Variants in NSMCE2 observed in about 807,000 individuals in gnomAD.
NSMCE2 encodes the protein E3 SUMO-protein ligase NSE2.
NSMCE2 carries 24 observed loss-of-function variants against 23.8 expected under a neutral mutation model. That is an observed-to-expected ratio of 1.01 (90% CI 0.73 to 1.42). The LOEUF is 1.42. Ranked by LOEUF, NSMCE2 falls within the 40% of genes most tolerant of loss-of-function variation. NSMCE2 has a pLI of 0.00. For missense variants in NSMCE2, 284 were observed against 296.5 expected (o/e 0.96, Z 0.31); for synonymous variants, 92 against 94.1 (o/e 0.98, Z 0.13).
chr8:125,140,764 GT>G (rs1472254418), intron 3 of NSMCE2, among the ~76,000 whole-genome samples: 1 of 152,148 alleles, frequency 6.6e-6, no homozygotes, highest in Non-Finnish European at 1.5e-5. Context: ...AGCCTCTTGG[GT>G]TTCCAAGTCA....
chr8:125,298,687 G>GTTTTTTGTTTT (rs1828425895), intron 5 of NSMCE2, among the ~76,000 whole-genome samples: 1 of 85,954 alleles, frequency 1.2e-5, no homozygotes, highest in African/African-American at 5.2e-5. Flanking sequence ...TCATCTGTGG[G>GTTTTTTGTTTT]TTTTTTTTTG....
intron 5 of NSMCE2, among the ~76,000 whole-genome samples, chr8:125,223,961 C>G (rs1445374758): frequency 6.6e-6 from 1 of 152,058 alleles, no homozygotes; most frequent in Non-Finnish European, 1.5e-5. Flanking sequence ...TGTAGCCTCC[C>G]TGGTAGCTGG....
chr8:125,094,685 T>G (rs765629586), intron 1 of NSMCE2, among the ~76,000 whole-genome samples: 2 of 152,158 alleles, frequency 1.3e-5, no homozygotes, highest in African/African-American at 2.4e-5. Context: ...CAACAGAAAT[T>G]TATTTCTTAC....
At position 125,357,301 on chromosome 8, in the gene NSMCE2, C is replaced by T; in HGVS notation, c.501C>T (p.Phe167=). The change falls in exon 6 of 8, where the codon TTC becomes TTT. Residue 167 remains phenylalanine (F), a synonymous_variant. Transcript: ENST00000287437. ...TTGTGACCCAAAGTCAGACCAACTT[C>T]ACCTGCCCCATTACAAAGGTACCGC... ...DIIVTQSQTN[F]TCPITKEEMK... The T allele has an allele frequency of 6.2e-7, 1 of 1,606,204 alleles. No individual in the cohort carries two copies. Among genetic ancestry groups the T allele is most frequent in the South Asian group, 1.1e-5 (1 of 90,940 alleles).
At chr8:125,234,582 C>T (rs1423213804) in intron 5 of NSMCE2, among the ~76,000 whole-genome samples, 1 of 151,942 alleles carries the variant, frequency 6.6e-6, no homozygotes, top group Admixed American at 6.6e-5. Flanking sequence ...CAGGGATTTT[C>T]ACATGTTTTG....
chr8:125,158,089 T>C lies in NSMCE2; in HGVS notation c.264+6812T>C, dbSNP rs540028185. On this transcript the variant is annotated intron_variant, in intron 4 of 7. Coordinates refer to ENST00000287437, the MANE Select transcript of NSMCE2 (RefSeq NM_173685.4). ...GGACTGATATTCTTCAGAACCCACT[T>C]TGGGAAGTGCTGCTGTGGTTTCAAC... Among the ~76,000 whole-genome samples the C allele has an allele frequency of 8.5e-5, 13 of 152,262 alleles. No homozygotes were observed. In the South Asian group the frequency reaches 2.7e-3, roughly 32 times the overall value.
At chr8:125,217,492 C>A (rs1257343650) in intron 5 of NSMCE2, among the ~76,000 whole-genome samples, 1 of 152,106 alleles carries the variant, frequency 6.6e-6, no homozygotes, top group African/African-American at 2.4e-5. Context: ...TCCCGAGTAG[C>A]TGGGACTACG....
At chr8:125,164,583 A>G (rs1266054285) in intron 4 of NSMCE2, among the ~76,000 whole-genome samples, 2 of 152,204 alleles carry the variant, frequency 1.3e-5, no homozygotes, top group Admixed American at 1.3e-4. Context: ...TATTAGAATT[A>G]AGGAACTATT....
At chr8:125,247,865 T>G (rs1205687752) in intron 5 of NSMCE2, among the ~76,000 whole-genome samples, 1 of 152,314 alleles carries the variant, frequency 6.6e-6, no homozygotes, top group African/African-American at 2.4e-5. Flanking sequence ...AATATTACTC[T>G]AGAGTAATAG....
chr8:125,358,985 G>A (rs1253935361), intron 7 of NSMCE2, among the ~76,000 whole-genome samples: 2 of 151,954 alleles, frequency 1.3e-5, no homozygotes, highest in African/African-American at 4.8e-5. Context: ...GTCAGATTTC[G>A]GCCAGGCGCG....
At chr8:125,145,933 A>G (rs1820649777) in intron 3 of NSMCE2, among the ~76,000 whole-genome samples, 1 of 152,172 alleles carries the variant, frequency 6.6e-6, no homozygotes, top group African/African-American at 2.4e-5. Flanking sequence ...GGTTGCTCTT[A>G]CAGCACTTCA....
chr8:125,106,033 C>T (rs566746496), intron 3 of NSMCE2, among the ~76,000 whole-genome samples: 50 of 129,346 alleles, frequency 3.9e-4, no homozygotes, highest in African/African-American at 1.7e-3. Flanking sequence ...TGAATACATG[C>T]GTGTGTGTGT....
At chr8:125,285,857 T>C (rs1033543462) in intron 5 of NSMCE2, among the ~76,000 whole-genome samples, 3 of 151,938 alleles carry the variant, frequency 2.0e-5, no homozygotes, top group African/African-American at 7.3e-5. Context: ...ACAGATGAGG[T>C]AACTGAAGCT....
chr8:125,241,293 A>G (rs1469414532), intron 5 of NSMCE2, among the ~76,000 whole-genome samples: 1 of 152,258 alleles, frequency 6.6e-6, no homozygotes, highest in Non-Finnish European at 1.5e-5. Context: ...AGGGCACTGA[A>G]ATAGAGTGAA....
intron 5 of NSMCE2, among the ~76,000 whole-genome samples, chr8:125,218,529 A>G (rs1475268069): frequency 1.3e-5 from 2 of 151,310 alleles, no homozygotes; most frequent in Admixed American, 6.6e-5. Flanking sequence ...CTCATGCCTC[A>G]GCCTCCCGAG....
At chr8:125,253,937 C>T (rs1228424462) in intron 5 of NSMCE2, among the ~76,000 whole-genome samples, 1 of 152,134 alleles carries the variant, frequency 6.6e-6, no homozygotes, top group African/African-American at 2.4e-5. Flanking sequence ...CAGTCATAGT[C>T]ATCATGACTT....
At chr8:125,340,098 T>G (rs2131322786) in intron 5 of NSMCE2, among the ~76,000 whole-genome samples, 1 of 137,082 alleles carries the variant, frequency 7.3e-6, no homozygotes, top group African/African-American at 2.7e-5. Context: ...CACTGCAAGC[T>G]CCGCCTCCCG....
chr8:125,213,564 C>T (rs1372722369), intron 5 of NSMCE2, among the ~76,000 whole-genome samples: 2 of 130,256 alleles, frequency 1.5e-5, no homozygotes, highest in African/African-American at 5.6e-5. Context: ...CCCCCTTTCC[C>T]CTCCCCCTCC....
intron 1 of NSMCE2, chr8:125,094,657 T>C (rs564926759): frequency 6.6e-6 from 1 of 152,374 alleles, no homozygotes; most frequent in South Asian, 2.1e-4. Context: ...CAAAATACCA[T>C]AGACTGGGTG....
Sources: gnomAD v4.1 joint callset for allele counts (sites outside exome capture counted in the v4.1 genomes callset) on GRCh38, gnomAD v4.1.1 for gene constraint, MANE v1.5 for transcripts, NCBI Gene and HGNC (gene_info 2026-07-23, HGNC 2026-07-21) for gene names.